MAP3K15: variants seen among roughly 807,000 people sequenced by gnomAD.
MAP3K15 encodes the protein mitogen-activated protein kinase kinase kinase 15.
In MAP3K15, 124 loss-of-function variants were observed where a neutral mutation model predicts 99.5. The ratio of observed to expected loss-of-function variants is 1.25; its 90% CI spans 1.08 to 1.45. The LOEUF (loss-of-function observed/expected upper bound fraction) is 1.45, where lower values mean the gene tolerates loss of function less well. MAP3K15 is among the 40% of genes most tolerant of loss of function. The pLI is 0.00. For missense variants in MAP3K15, 1,242 were observed against 1,079.7 expected (o/e 1.15, Z -2.11); for synonymous variants, 494 against 439.6 (o/e 1.12, Z -1.55).
chrX:19,457,108 C>T lies in MAP3K15; in HGVS notation c.889-89G>A, dbSNP rs1307381997. The T allele has an allele frequency of 1.3e-4, 78 of 614,718 alleles. No homozygotes were observed. The East Asian group carries it at 1.7e-3, about 13-fold the overall frequency. The allele number at this position is 614,718 out of a possible 1,213,427, so 50.7% of individuals were successfully genotyped here. ...ATTGTTATAAACAGGAGACAGCCTCCGCACTTAAAGACAGGCCCTTCCTTA... is the reference window on the plus strand; with the variant it reads ...ATTGTTATAAACAGGAGACAGCCTCTGCACTTAAAGACAGGCCCTTCCTTA... On this transcript the variant is annotated intron_variant, in intron 5 of 28. Coordinates refer to ENST00000338883, the MANE Select transcript of MAP3K15 (RefSeq NM_001001671.4).
chrX:19,376,498 T>C (rs1048564343), intron 19 of MAP3K15, among the ~76,000 whole-genome samples: 6 of 109,233 alleles, frequency 5.5e-5, no homozygotes, highest in African/African-American at 1.7e-4. Flanking sequence ...CAGGCTGGAA[T>C]ACAGTAGCAT....
At chrX:19,505,834 C>T (rs1047078159) in intron 1 of MAP3K15, among the ~76,000 whole-genome samples, 1 of 108,293 alleles carries the variant, frequency 9.2e-6, no homozygotes, top group Non-Finnish European at 1.9e-5. Context: ...GCAATCTCTG[C>T]CTCCTGGGTT....
chrX:19,414,522 C>T (rs1038253921), intron 10 of MAP3K15, among the ~76,000 whole-genome samples: 3 of 112,260 alleles, frequency 2.7e-5, no homozygotes, highest in African/African-American at 9.7e-5. Flanking sequence ...TCACTCATGA[C>T]TCTAAGACGG....
In MAP3K15 at chrX:19,415,252, A is replaced by G. The variant is rs777935917; in HGVS notation, c.1445T>C (p.Leu482Pro). The change falls in exon 10 of 29, where the codon CTG (leucine) becomes CCG (proline). Residue 482 changes from leucine to proline, a missense_variant. Transcript: ENST00000338883. ...TAACAAGTTCTGAACTAATGATCGC[A>G]GGTACCTGGAAAAATCACAAACAGC... ...LFKLKPPVWY[L>P]RSLVQNLLLI... The G allele has an allele frequency of 1.3e-5, 15 of 1,167,017 alleles. No homozygotes were observed. In the South Asian group the frequency reaches 2.9e-4, roughly 23 times the overall value.
intron 6 of MAP3K15, among the ~76,000 whole-genome samples, chrX:19,451,857 G>T (rs1395049549): frequency 9.2e-6 from 1 of 108,412 alleles, no homozygotes; most frequent in Non-Finnish European, 1.9e-5. Flanking sequence ...TGAGGTCAGG[G>T]GTTCTAGACC....
intron 3 of MAP3K15, among the ~76,000 whole-genome samples, chrX:19,476,967 C>T (rs1170302776): frequency 9.0e-6 from 1 of 111,472 alleles, no homozygotes; most frequent in Non-Finnish European, 1.9e-5. Context: ...CAGATAATCT[C>T]AGGCCCTACC....
rs368529898 is a variant in MAP3K15 at position 19,464,247 on chromosome X, T to C, written c.685A>G (p.Ile229Val). The C allele has an allele frequency of 6.7e-6, 8 of 1,200,145 alleles. No homozygotes were observed. Among genetic ancestry groups the C allele is most frequent in the Non-Finnish European group, 7.8e-6 (7 of 895,154 alleles). Residue 229 changes from isoleucine to valine, a missense_variant, in exon 4 of 29, where the codon ATT becomes GTT. Transcript: ENST00000338883. ...ACGTGGATGTCCTTAAGGAGGCTAATGAACCTGTCCACCAAAGGCATGCAC... is the reference window on the plus strand; with the variant it reads ...ACGTGGATGTCCTTAAGGAGGCTAACGAACCTGTCCACCAAAGGCATGCAC... Reference protein sequence around the residue: ...PLCMPLVDRFISLLKDIHVTS... With the variant: ...PLCMPLVDRFVSLLKDIHVTS...
At chrX:19,371,677 C>T (rs753204071) in intron 22 of MAP3K15, 147 bp from the exon 23 acceptor site, 1 of 508,611 alleles carries the variant, frequency 2.0e-6, no homozygotes, top group South Asian at 3.8e-5. Context: ...CCTCCATAAC[C>T]TTCCTGTCAG....
In MAP3K15 at chrX:19,362,420, G is replaced by A. The variant is rs779914309; in HGVS notation, c.3679+318C>T. Among the ~76,000 whole-genome samples the A allele has an allele frequency of 1.1e-4, 12 of 108,684 alleles. No homozygotes were observed. In the East Asian group the frequency reaches 3.5e-3, roughly 32 times the overall value. 94.4% of individuals were successfully genotyped at this position (108,684 alleles called of 115,157 possible). On this transcript the variant is annotated intron_variant, in intron 26 of 28. Coordinates refer to ENST00000338883, the MANE Select transcript of MAP3K15 (RefSeq NM_001001671.4). The stretch of plus-strand genomic sequence containing the variant: ...GCTGGTTTTTTTCTATTTTTTGTAC[G>A]GATGGGGTTTTGCCATGTTGACCAG...
intron 6 of MAP3K15, among the ~76,000 whole-genome samples, chrX:19,438,698 T>C (rs772789134): frequency 1.8e-5 from 2 of 111,970 alleles, no homozygotes; most frequent in East Asian, 5.6e-4. Context: ...AAGAGACAAA[T>C]AGAATCCCAA....
rs759638804 is a variant in MAP3K15 at position 19,416,353 on chromosome X, A to C, written c.1440-1096T>G. 9.9e-5 allele frequency among the ~76,000 whole-genome samples: 11 copies of C among 111,319 alleles called. 1 individual carries two copies. The highest frequency in any genetic ancestry group is 3.6e-4 in the African/African-American group (11 of 30,647). On this transcript the variant is annotated intron_variant, in intron 9 of 28. Transcript: ENST00000338883. ...CTCAAAAACAAACAACCAAAAAAAA[A>C]AAACTTCCACCGTGTGAGACTGATC... is the stretch of plus-strand genomic sequence containing the variant.
chrX:19,442,812 TC>T, intron 6 of MAP3K15, among the ~76,000 whole-genome samples: 1 of 105,939 alleles, frequency 9.4e-6, no homozygotes, highest in East Asian at 2.9e-4. Context: ...AATCTCCACT[TC>T]CCGGGTTCAG....
At chrX:19,455,939 A>G (rs1323664059) in intron 6 of MAP3K15, among the ~76,000 whole-genome samples, 1 of 111,007 alleles carries the variant, frequency 9.0e-6, no homozygotes, top group Non-Finnish European at 1.9e-5. Flanking sequence ...GGAGCTTACT[A>G]TGTCGGGGGA....
intron 6 of MAP3K15, among the ~76,000 whole-genome samples, chrX:19,436,822 C>T (rs915550907): frequency 4.5e-4 from 50 of 111,203 alleles, no homozygotes; most frequent in African/African-American, 8.5e-4. Context: ...GGATTACAGG[C>T]GTGCACCACC....
At chrX:19,464,470 G>T in intron 3 of MAP3K15, 64 bp from the exon 4 acceptor site, 1 of 846,923 alleles carries the variant, frequency 1.2e-6, no homozygotes, top group Non-Finnish European at 1.6e-6. Context: ...CTCTGGGCAG[G>T]TGGCGCCTGG....
At chrX:19,442,717 C>CATT (rs150920455) in intron 6 of MAP3K15, among the ~76,000 whole-genome samples, 205 of 98,644 alleles carry the variant, frequency 2.1e-3, no homozygotes, top group Middle Eastern at 0.021. Context: ...TTATTATTAT[C>CATT]ATTATTATTA....
intron 24 of MAP3K15, among the ~76,000 whole-genome samples, chrX:19,370,617 G>A (rs751581706): frequency 1.8e-4 from 20 of 109,148 alleles, no homozygotes; most frequent in Non-Finnish European, 3.4e-4. Context: ...GCCTGGTCTT[G>A]AACTCCTGAC....
In MAP3K15 at chrX:19,425,567, G is replaced by A. The variant is rs1323309433; in HGVS notation, c.1403C>T (p.Ala468Val). 1.7e-6 allele frequency: 2 copies of A among 1,198,666 alleles called. No individual in the cohort carries two copies. The highest frequency in any genetic ancestry group is 2.2e-6 in the Non-Finnish European group (2 of 894,333). Reference sequence around the variant, plus strand: ...TTTCAGTTTGAACAACCTCTCTGCTGCCTGGACGGCTTTCCCGACATCATG... The same window carrying A: ...TTTCAGTTTGAACAACCTCTCTGCTACCTGGACGGCTTTCCCGACATCATG... ...LAHDVGKAVQ[A>V]AERLFKLKPP... The change falls in exon 9 of 29, where the codon GCA becomes GTA. Residue 468 changes from alanine (A) to valine (V), a missense_variant. Transcript: ENST00000338883.
intron 7 of MAP3K15, among the ~76,000 whole-genome samples, chrX:19,431,102 G>C (rs1285843204): frequency 2.7e-5 from 3 of 111,656 alleles, no homozygotes; most frequent in African/African-American, 6.5e-5. Context: ...ATAAATGAAT[G>C]AATAAGTGAA....
Sources: gnomAD v4.1 joint callset for allele counts (sites outside exome capture counted in the v4.1 genomes callset) on GRCh38, gnomAD v4.1.1 for gene constraint, MANE v1.5 for transcripts, NCBI Gene and HGNC (gene_info 2026-07-23, HGNC 2026-07-21) for gene names.